ARHGAP26: variants seen among roughly 807,000 people sequenced by gnomAD.
The protein encoded by ARHGAP26 is Rho GTPase activating protein 26.
ARHGAP26 carries 38 observed loss-of-function variants against 104.8 expected under a neutral mutation model. The ratio of observed to expected loss-of-function variants is 0.36; its 90% CI spans 0.28 to 0.48. The LOEUF (loss-of-function observed/expected upper bound fraction) is 0.48, where lower values mean the gene tolerates loss of function less well. Among genes scored for constraint, ARHGAP26 ranks in the 20% least tolerant of loss-of-function variants. ARHGAP26 has a pLI of 0.99. For synonymous variants in ARHGAP26, 341 were observed against 340.0 expected (o/e 1.00, Z -0.03); for missense variants, 704 against 947.9 (o/e 0.74, Z 3.38).
rs144240558 is a variant in ARHGAP26, at chr5:142,980,211, A to G, written c.1108-33869A>G. ...AGTATAATACCTGTGAGACTCATCC[A>G]TGTTTCCATGTAGCAGTAGTTTGTT... On this transcript the variant is annotated intron_variant, in intron 11 of 22. Coordinates refer to ENST00000645722, the MANE Select transcript of ARHGAP26 (RefSeq NM_001135608.3). Among the ~76,000 whole-genome samples, 274 of 152,282 alleles carry G rather than the reference A, an allele frequency of 1.8e-3. 1 individual carries two copies. The highest frequency in any genetic ancestry group is 6.1e-3 in the African/African-American group (255 of 41,550).
At chr5:143,092,189 G>T (rs1366076053) in intron 17 of ARHGAP26, among the ~76,000 whole-genome samples, 3 of 99,314 alleles carry the variant, frequency 3.0e-5, no homozygotes, top group African/African-American at 6.8e-5. Context: ...TTTTTGAGAT[G>T]GAGTCTCCCT....
intron 17 of ARHGAP26, among the ~76,000 whole-genome samples, chr5:143,095,957 T>C (rs1434819305): frequency 6.6e-6 from 1 of 152,276 alleles, no homozygotes; most frequent in Non-Finnish European, 1.5e-5. Flanking sequence ...GAAATATTTT[T>C]AGTAGCCTTT....
At chr5:142,944,233 A>G (rs1766787121) in intron 11 of ARHGAP26, among the ~76,000 whole-genome samples, 1 of 152,204 alleles carries the variant, frequency 6.6e-6, no homozygotes, top group South Asian at 2.1e-4. Context: ...TCTGTTGTGT[A>G]GCATTTTTGA....
At chr5:142,947,597 G>GT in intron 11 of ARHGAP26, among the ~76,000 whole-genome samples, 1 of 152,304 alleles carries the variant, frequency 6.6e-6, no homozygotes, top group South Asian at 2.1e-4. Flanking sequence ...AGGGTGCTTA[G>GT]TAGAGTGCTG....
chr5:143,097,242 G>T (rs1359976566), intron 17 of ARHGAP26, among the ~76,000 whole-genome samples: 1 of 151,704 alleles, frequency 6.6e-6, no homozygotes, highest in Non-Finnish European at 1.5e-5. Flanking sequence ...CAGGGGAGGC[G>T]GCTGAGGCAG....
intron 20 of ARHGAP26, 57 bp from the exon 21 acceptor site, chr5:143,207,141 G>C (rs764970396): frequency 9.1e-5 from 144 of 1,581,978 alleles, no homozygotes; most frequent in Non-Finnish European, 1.2e-4. Flanking sequence ...GACCTCCTGT[G>C]CTCCCATTGT....
At position 143,012,560 on chromosome 5, in the gene ARHGAP26, T is replaced by C. The variant is rs1300594538; in HGVS notation, c.1108-1520T>C. Among the ~76,000 whole-genome samples, 68 of 70,600 alleles carry C rather than the reference T, an allele frequency of 9.6e-4. 12 individuals carry two copies. Among genetic ancestry groups the C allele is most frequent in the African/African-American group, 2.5e-3 (56 of 22,410 alleles). 46.3% of individuals were successfully genotyped at this position (70,600 alleles called of 152,430 possible). A position where few individuals can be genotyped will look rare whatever the true frequency, so the allele number is the denominator to read the frequency against. On this transcript the variant is annotated intron_variant, in intron 11 of 22. Coordinates refer to ENST00000645722, the MANE Select transcript of ARHGAP26 (RefSeq NM_001135608.3). ...ATTTATATACATACATACATATATA[T>C]ATATATATATATATATTATGATCAG...
At chr5:143,158,625 A>C (rs1800798889) in intron 20 of ARHGAP26, among the ~76,000 whole-genome samples, 1 of 152,206 alleles carries the variant, frequency 6.6e-6, no homozygotes, top group African/African-American at 2.4e-5. Flanking sequence ...TTGCACTATC[A>C]AATTCTCTTC....
At chr5:143,218,180 A>G (rs555092717) in intron 22 of ARHGAP26, among the ~76,000 whole-genome samples, 21 of 152,328 alleles carry the variant, frequency 1.4e-4, no homozygotes, top group Non-Finnish European at 2.9e-4. Flanking sequence ...CACTCTCACT[A>G]TGAGGCCCTT....
At chr5:143,102,488 G>C (rs969407991) in intron 17 of ARHGAP26, among the ~76,000 whole-genome samples, 2 of 152,180 alleles carry the variant, frequency 1.3e-5, no homozygotes, top group Non-Finnish European at 2.9e-5. Flanking sequence ...TCAGAATGCT[G>C]ATCCTCATAA....
chr5:143,198,580 C>G (rs1309283758), intron 20 of ARHGAP26, among the ~76,000 whole-genome samples: 1 of 152,190 alleles, frequency 6.6e-6, no homozygotes, highest in African/African-American at 2.4e-5. Context: ...TGAACTAGGA[C>G]TGTTGTCCAG....
At chr5:143,058,473 C>T (rs948630193) in intron 17 of ARHGAP26, among the ~76,000 whole-genome samples, 1 of 152,234 alleles carries the variant, frequency 6.6e-6, no homozygotes, top group African/African-American at 2.4e-5. Context: ...TTGCTGACTT[C>T]CCGTGCTGCA....
At chr5:142,872,900 C>A (rs1755524615) in intron 1 of ARHGAP26, among the ~76,000 whole-genome samples, 1 of 152,196 alleles carries the variant, frequency 6.6e-6, no homozygotes, top group Non-Finnish European at 1.5e-5. Flanking sequence ...ATGGGCAGGG[C>A]AGTTCCCAGC....
In ARHGAP26 at chr5:143,162,284, T is replaced by TACACACACACAC. The variant is rs34577770; in HGVS notation, c.1988+14920_1988+14931dup. 5.4e-3 allele frequency among the ~76,000 whole-genome samples: 792 copies of TACACACACACAC among 147,430 alleles called. 8 individuals are homozygous for TACACACACACAC. Among genetic ancestry groups the TACACACACACAC allele is most frequent in the African/African-American group, 0.016 (650 of 39,494 alleles). On this transcript the variant is annotated intron_variant, in intron 20 of 22. Transcript: ENST00000645722. The stretch of plus-strand genomic sequence containing the variant: ...GACACTCTACTCCCAAACACACACA[T>TACACACACACAC]ACACACACACACACACACACACACA...
intron 10 of ARHGAP26, among the ~76,000 whole-genome samples, chr5:142,928,221 G>T (rs974709249): frequency 1.5e-5 from 2 of 136,850 alleles, no homozygotes; most frequent in Non-Finnish European, 3.1e-5. Flanking sequence ...AGGACTTTTT[G>T]TGTGTGTGTG....
At chr5:142,812,941 C>CT (rs34704039) in intron 1 of ARHGAP26, among the ~76,000 whole-genome samples, 2,232 of 138,140 alleles carry the variant, frequency 0.016, 27 homozygotes, top group South Asian at 0.046. Context: ...TTTTTTCTTT[C>CT]TTTTTTTTTT....
At chr5:142,979,649 G>A (rs1039654032) in intron 11 of ARHGAP26, among the ~76,000 whole-genome samples, 1 of 152,250 alleles carries the variant, frequency 6.6e-6, no homozygotes, top group Non-Finnish European at 1.5e-5. Flanking sequence ...AAGGAAAAAG[G>A]AAAATGCAGA....
chr5:143,008,396 C>T (rs3822398), intron 11 of ARHGAP26, among the ~76,000 whole-genome samples: 113,734 of 152,092 alleles, frequency 0.75, 43,463 homozygotes, highest in Middle Eastern at 0.83. Flanking sequence ...GGTGGACCCA[C>T]TTTGTCATGC....
chr5:142,796,435 A>C (rs1761006695), intron 1 of ARHGAP26, among the ~76,000 whole-genome samples: 1 of 152,216 alleles, frequency 6.6e-6, no homozygotes, highest in Non-Finnish European at 1.5e-5. Context: ...CTGTGATTAT[A>C]ATCGCTGGTT....
Sources: gnomAD v4.1 joint callset for allele counts (sites outside exome capture counted in the v4.1 genomes callset) on GRCh38, gnomAD v4.1.1 for gene constraint, MANE v1.5 for transcripts, NCBI Gene and HGNC (gene_info 2026-07-23, HGNC 2026-07-21) for gene names.